TBC1D30: variants seen among roughly 807,000 people sequenced by gnomAD.
The protein encoded by TBC1D30 is TBC1 domain family member 30, also known as TBC1 domain family, member 30.
In TBC1D30, 31 loss-of-function variants were observed where a neutral mutation model predicts 63.2. That is an observed-to-expected ratio of 0.49 (90% CI 0.37 to 0.66). The LOEUF is 0.66. Among genes scored for constraint, TBC1D30 ranks in the 30% least tolerant of loss-of-function variants. The pLI, the probability that TBC1D30 is intolerant of heterozygous loss-of-function variation, is 0.00. For missense variants in TBC1D30, 810 were observed against 953.6 expected (o/e 0.85, Z 1.98); for synonymous variants, 307 against 361.5 (o/e 0.85, Z 1.71).
intron 2 of TBC1D30, among the ~76,000 whole-genome samples, chr12:64,807,229 C>T (rs919043604): frequency 2.0e-5 from 3 of 152,250 alleles, no homozygotes; most frequent in Middle Eastern, 3.4e-3. Flanking sequence ...TTTTGCTTGG[C>T]GCTTCTTCCT....
At position 64,863,892 on chromosome 12, in the gene TBC1D30, A is replaced by G. The variant is rs114529325; in HGVS notation, c.1039-776A>G. On this transcript the variant is annotated intron_variant, in intron 8 of 11. Coordinates refer to ENST00000539867, the MANE Select transcript of TBC1D30 (RefSeq NM_015279.2). ...CCCAGGAGAAATGAACATGTGATTG[A>G]TATATGTTTTCTGGTGAATAAGAAC... Among the ~76,000 whole-genome samples, 1,366 of 152,340 alleles carry G rather than the reference A, an allele frequency of 9.0e-3. 23 individuals are homozygous for G. The highest frequency in any genetic ancestry group is 0.031 in the African/African-American group (1,307 of 41,562).
intron 1 of TBC1D30, among the ~76,000 whole-genome samples, chr12:64,774,128 T>C (rs368416274): frequency 8.5e-5 from 13 of 152,230 alleles, no homozygotes; most frequent in African/African-American, 2.9e-4. Context: ...AAAAGCACAC[T>C]GTAAGAATTT....
intron 1 of TBC1D30, among the ~76,000 whole-genome samples, chr12:64,783,310 C>CTG (rs1871385187): frequency 1.3e-5 from 2 of 152,290 alleles, no homozygotes; most frequent in South Asian, 4.1e-4. Flanking sequence ...TCCTTACCAG[C>CTG]TGTGTGACCT....
intron 1 of TBC1D30, chr12:64,781,360 C>A: frequency 2.9e-6 from 3 of 1,038,686 alleles, no homozygotes; most frequent in Non-Finnish European, 3.5e-6. Context: ...GCCCGCGCTC[C>A]AGCGCGCACC....
At chr12:64,822,395 A>G (rs111702164), upstream of TBC1D30, among the ~76,000 whole-genome samples, 56 of 152,278 alleles carry the variant, frequency 3.7e-4, no homozygotes, top group African/African-American at 1.3e-3. Flanking sequence ...TGCCCAGACT[A>G]GTCTTGAACT....
intron 2 of TBC1D30, among the ~76,000 whole-genome samples, chr12:64,787,953 G>A (rs1871691768): frequency 6.6e-6 from 1 of 152,058 alleles, no homozygotes; most frequent in African/African-American, 2.4e-5. Context: ...AGAATCACTT[G>A]AACCCAGGAG....
rs1377847496 is a variant in TBC1D30 at position 64,828,439 on chromosome 12, C to A, written c.217-5C>A. On this transcript the variant is annotated splice_polypyrimidine_tract_variant and splice_region_variant and intron_variant, in intron 2 of 11. Transcript: ENST00000539867. ...CACCTCCTGGGATTTCTTCTTTGTTCCTAGTGGTACGATGCTCTCAAGGCA... is the reference window on the plus strand; with the variant it reads ...CACCTCCTGGGATTTCTTCTTTGTTACTAGTGGTACGATGCTCTCAAGGCA... 1.3e-6 allele frequency: 2 copies of A among 1,534,722 alleles called. No individual in the cohort carries two copies. Among genetic ancestry groups the A allele is most frequent in the Non-Finnish European group, 1.7e-6 (2 of 1,145,802 alleles).
intron 8 of TBC1D30, among the ~76,000 whole-genome samples, chr12:64,863,482 G>A (rs1877962778): frequency 6.6e-6 from 1 of 152,196 alleles, no homozygotes; most frequent in South Asian, 2.1e-4. Flanking sequence ...TCTATGATAA[G>A]ACAGCTTAGA....
At chr12:64,760,827 T>C (rs1346429579) in intron 1 of TBC1D30, among the ~76,000 whole-genome samples, 9 of 102,860 alleles carry the variant, frequency 8.7e-5, no homozygotes, top group Admixed American at 3.0e-4. Flanking sequence ...ATAGGGCTTA[T>C]GCAAAAAAAA....
At chr12:64,825,651 G>C (rs1354947670) in intron 1 of TBC1D30, 1 of 152,526 alleles carries the variant, frequency 6.6e-6, no homozygotes, top group African/African-American at 2.4e-5. Flanking sequence ...CCCACTGTCA[G>C]CCTGTGTTTA....
intron 2 of TBC1D30, among the ~76,000 whole-genome samples, chr12:64,791,698 T>G (rs12319892): frequency 2.4e-4 from 35 of 143,488 alleles, no homozygotes; most frequent in African/African-American, 9.1e-4. Context: ...GTGTGTGTGT[T>G]TGTGTGTGTG....
In TBC1D30 at chr12:64,878,374, A is replaced by G. The variant is rs1879235123; in HGVS notation, c.*2586A>G. On this transcript the variant is annotated 3_prime_UTR_variant, in exon 12 of 12. Transcript: ENST00000539867. ...ATTGGACACTGTATGCAAACACCAG[A>G]AGTACTTAACAAGTAGTGGTTTCTT... 1 of 454,026 alleles carries G rather than the reference A, an allele frequency of 2.2e-6. No homozygotes were observed. Among genetic ancestry groups the G allele is most frequent in the Non-Finnish European group, 4.4e-6 (1 of 225,652 alleles). 28.1% of individuals were successfully genotyped at this position (454,026 alleles called of 1,614,324 possible). A position where few individuals can be genotyped will look rare whatever the true frequency, so the allele number is the denominator to read the frequency against.
rs1224698995 is a variant in TBC1D30, at chr12:64,880,960, A to AG, written c.*5174dup. On this transcript the variant is annotated 3_prime_UTR_variant, in exon 12 of 12. Coordinates refer to ENST00000539867, the MANE Select transcript of TBC1D30 (RefSeq NM_015279.2). ...AAGAAACTTCCTGATACCTCAGCCTAGGAATCTCCCTATCCCTGGAGAGTC... is the reference window on the plus strand; with the variant it reads ...AAGAAACTTCCTGATACCTCAGCCTAGGGAATCTCCCTATCCCTGGAGAGTC... The AG allele has an allele frequency of 6.6e-6, 1 of 152,218 alleles. No individual in the cohort carries two copies. The highest frequency in any genetic ancestry group is 1.5e-5 in the Non-Finnish European group (1 of 68,040). The allele number at this position is 152,218 out of a possible 1,614,324, so 9.4% of individuals were successfully genotyped here.
chr12:64,864,850 A>C (rs1878087376), intron 9 of TBC1D30, 70 bp downstream of exon 9: 3 of 1,063,610 alleles, frequency 2.8e-6, no homozygotes, highest in Non-Finnish European at 2.7e-6. Flanking sequence ...ATTGTAAATT[A>C]ATATTTATGA....
intron 8 of TBC1D30, among the ~76,000 whole-genome samples, chr12:64,846,049 G>A (rs1254343289): frequency 1.3e-5 from 2 of 151,552 alleles, no homozygotes; most frequent in Admixed American, 6.6e-5. Flanking sequence ...ATTTTTAATC[G>A]AATTATAAGA....
At chr12:64,780,867 G>T in exon 1 of TBC1D30, 1 of 1,012,138 alleles carries the variant, frequency 9.9e-7, no homozygotes, top group East Asian at 1.1e-4. Context: ...CTGGAATTCC[G>T]CGGCGGCGGT....
upstream of TBC1D30, among the ~76,000 whole-genome samples, chr12:64,775,767 G>A (rs938017962): frequency 6.6e-6 from 1 of 152,168 alleles, no homozygotes; most frequent in African/African-American, 2.4e-5. Context: ...ACTCAGCACT[G>A]GATCAAATGG....
At chr12:64,799,007 G>A (rs1482747340) in intron 2 of TBC1D30, among the ~76,000 whole-genome samples, 1 of 151,954 alleles carries the variant, frequency 6.6e-6, no homozygotes, top group Admixed American at 6.6e-5. Context: ...TAGAGACGGG[G>A]TTTCACCTTG....
chr12:64,853,272 C>T (rs917226998), intron 8 of TBC1D30, among the ~76,000 whole-genome samples: 1 of 152,172 alleles, frequency 6.6e-6, no homozygotes, highest in Non-Finnish European at 1.5e-5. Flanking sequence ...AACTTCCTGG[C>T]AGCTTTCTTT....
Sources: allele counts gnomAD v4.1 joint callset (sites outside exome capture counted in the v4.1 genomes callset), GRCh38; gene constraint gnomAD v4.1.1; transcripts MANE v1.5; gene names NCBI Gene and HGNC (gene_info 2026-07-23, HGNC 2026-07-21).